The following CCNJL variants were observed in gnomAD, a reference collection of about 807,000 sequenced individuals.
CCNJL encodes the protein cyclin J like.
CCNJL carries 33 observed loss-of-function variants against 33.4 expected under a neutral mutation model. The ratio of observed to expected loss-of-function variants is 0.99; its 90% CI spans 0.75 to 1.32. The LOEUF is 1.32. Among genes scored for constraint, CCNJL ranks in the 40% most tolerant of loss-of-function variants. CCNJL has a pLI of 0.00. For synonymous variants in CCNJL, 227 were observed against 220.9 expected (o/e 1.03, Z -0.24); for missense variants, 512 against 499.7 (o/e 1.02, Z -0.23).
In CCNJL at chr5:160,249,236, T is replaced by A. The variant is rs1760744078; in HGVS notation, c.*4142A>T. ...ATGCTAGTTTATCTATGGTCAGTTG[T>A]GGAATAGGTCTGTTTCTATATGCAC... On this transcript the variant is annotated 3_prime_UTR_variant, in exon 6 of 6. Transcript: ENST00000257536. 6.6e-6 allele frequency: 1 copy of A among 152,184 alleles called. No homozygotes were observed. Among genetic ancestry groups the A allele is most frequent in the African/African-American group, 2.4e-5 (1 of 41,444 alleles). The allele number at this position is 152,184 out of a possible 1,614,324, so 9.4% of individuals were successfully genotyped here.
intron 3 of CCNJL, among the ~76,000 whole-genome samples, chr5:160,265,002 A>T (rs2113271472): frequency 2.0e-5 from 3 of 152,356 alleles, no homozygotes; most frequent in Middle Eastern, 3.4e-3. Flanking sequence ...CCCAGTGCCA[A>T]CAGTCATCAG....
At chr5:160,328,148 T>C (rs1178564210) in intron 1 of CCNJL, among the ~76,000 whole-genome samples, 2 of 152,118 alleles carry the variant, frequency 1.3e-5, no homozygotes, top group Non-Finnish European at 2.9e-5. Flanking sequence ...GCTGAGGAAA[T>C]GAGGTGAAGA....
At chr5:160,333,233 C>T (rs145590975) in intron 1 of CCNJL, among the ~76,000 whole-genome samples, 4,123 of 152,074 alleles carry the variant, frequency 0.027, 179 homozygotes, top group African/African-American at 0.093. Context: ...CGCCATTCTC[C>T]TGCCTCCGCC....
chr5:160,270,444 G>GA (rs202033056), intron 3 of CCNJL, among the ~76,000 whole-genome samples: 229 of 144,994 alleles, frequency 1.6e-3, no homozygotes, highest in African/African-American at 4.2e-3. Context: ...ATGGTGTCTC[G>GA]AAAAAAAAAA....
chr5:160,328,995 C>T (rs976153067), intron 1 of CCNJL, among the ~76,000 whole-genome samples: 1 of 152,182 alleles, frequency 6.6e-6, no homozygotes, highest in African/African-American at 2.4e-5. Context: ...TGAACCAAGA[C>T]CATCTGGTTC....
chr5:160,299,612 TAA>T (rs35587377), intron 2 of CCNJL, among the ~76,000 whole-genome samples: 47 of 144,882 alleles, frequency 3.2e-4, no homozygotes, highest in South Asian at 1.1e-3. Context: ...GTTGTTATGT[TAA>T]AAAAAAAAAA....
intron 2 of CCNJL, among the ~76,000 whole-genome samples, chr5:160,306,749 T>A (rs1426082816): frequency 1.3e-5 from 2 of 152,240 alleles, no homozygotes; most frequent in African/African-American, 4.8e-5. Flanking sequence ...GCAAGTTCTA[T>A]CTACTTTGCT....
intron 2 of CCNJL, among the ~76,000 whole-genome samples, chr5:160,293,117 C>G (rs1248928563): frequency 6.6e-6 from 1 of 152,164 alleles, no homozygotes; most frequent in Non-Finnish European, 1.5e-5. Flanking sequence ...TTTGTATTTT[C>G]CTTTCAAAAT....
chr5:160,314,420 A>C (rs895170869), upstream of CCNJL, among the ~76,000 whole-genome samples: 1 of 152,368 alleles, frequency 6.6e-6, no homozygotes, highest in East Asian at 1.9e-4. Context: ...GGGGGAAAAA[A>C]GTAAAACTAA....
intron 3 of CCNJL, among the ~76,000 whole-genome samples, chr5:160,274,469 A>C (rs942121983): frequency 2.0e-5 from 3 of 152,092 alleles, no homozygotes; most frequent in African/African-American, 4.8e-5. Context: ...AAAAAAAAAA[A>C]CAATCTGTAG....
At chr5:160,298,657 C>T (rs6888283) in intron 2 of CCNJL, among the ~76,000 whole-genome samples, 48,857 of 152,038 alleles carry the variant, frequency 0.32, 9,451 homozygotes, top group African/African-American at 0.55. Context: ...AGGCCCAGCC[C>T]GTCCTTGTCT....
At chr5:160,311,284 T>C (rs764363349) in intron 2 of CCNJL, among the ~76,000 whole-genome samples, 29 of 152,190 alleles carry the variant, frequency 1.9e-4, no homozygotes, top group Non-Finnish European at 3.4e-4. Context: ...CTTTCAATTA[T>C]ACAGGTGTTC....
In CCNJL at chr5:160,280,553, G is replaced by A. The variant is rs377115435; in HGVS notation, c.252C>T (p.Thr84=). 33 of 1,613,064 alleles carry A rather than the reference G, an allele frequency of 2.0e-5. No individual in the cohort carries two copies. Among genetic ancestry groups the A allele is most frequent in the Admixed American group, 8.3e-5 (5 of 60,000 alleles). ...CAAGCAGGAGGCAGGAGACGGCCAC[G>A]GTGTAGAGCTGCTTGGAGGTGGTGA... ...YNVTTSKQLY[T]VAVSCLLLAS... The change falls in exon 3 of 6, where the codon ACC becomes ACT. Residue 84 remains threonine (T), a synonymous_variant. Coordinates refer to ENST00000257536, the MANE Select transcript of CCNJL (RefSeq NM_001308173.3).
chr5:160,273,945 G>A lies in CCNJL; in HGVS notation c.280+6580C>T, dbSNP rs901901028. On this transcript the variant is annotated intron_variant, in intron 3 of 5. Transcript: ENST00000257536. ...ATTACAGGCGTGAGCCACTGCACCCGGCCTACAAAAGAGTTTTAGCAAGTA... is the reference window on the plus strand; with the variant it reads ...ATTACAGGCGTGAGCCACTGCACCCAGCCTACAAAAGAGTTTTAGCAAGTA... Among the ~76,000 whole-genome samples the A allele has an allele frequency of 5.3e-5, 8 of 151,490 alleles. No individual in the cohort carries two copies. The South Asian group carries it at 6.3e-4, about 12-fold the overall frequency.
intron 4 of CCNJL, among the ~76,000 whole-genome samples, chr5:160,258,984 C>A (rs6890329): frequency 6.6e-6 from 1 of 152,154 alleles, no homozygotes; most frequent in African/African-American, 2.4e-5. Flanking sequence ...GCGCCCGCCC[C>A]TATCAGCAGT....
chr5:160,282,763 C>T (rs1414613938), intron 2 of CCNJL, among the ~76,000 whole-genome samples: 1 of 151,460 alleles, frequency 6.6e-6, no homozygotes, highest in Non-Finnish European at 1.5e-5. Flanking sequence ...GATACCACCT[C>T]ACACTCATTA....
intron 3 of CCNJL, 59 bp from the exon 4 acceptor site, chr5:160,259,830 C>T (rs1359170373): frequency 3.5e-6 from 5 of 1,439,626 alleles, no homozygotes; most frequent in East Asian, 4.6e-5. Flanking sequence ...ACCCAGGAAG[C>T]TAACGGCCCA....
rs1302950084 is a variant in CCNJL at position 160,322,970 on chromosome 5, C to T, written n.207-7465G>A. Among the ~76,000 whole-genome samples, 3 of 149,826 alleles carry T rather than the reference C, an allele frequency of 2.0e-5. No homozygotes were observed. In the East Asian group the frequency reaches 5.9e-4, roughly 29 times the overall value. ...TCCCTCAAGGCCAGGCGCGGTGGCT[C>T]ACGACTGTAATCCCAGCCCTTTGGG... On this transcript the variant is annotated intron_variant and non_coding_transcript_variant, in intron 1 of 7. Coordinates refer to the CCNJL transcript ENST00000377503.
chr5:160,339,165 AC>A (rs1763718837), intron 1 of CCNJL, among the ~76,000 whole-genome samples: 1 of 152,072 alleles, frequency 6.6e-6, no homozygotes, highest in Admixed American at 6.6e-5. Flanking sequence ...TTGCAATTAA[AC>A]CTCAATCTCT....
Sources: gnomAD v4.1 joint callset for allele counts (sites outside exome capture counted in the v4.1 genomes callset) on GRCh38, gnomAD v4.1.1 for gene constraint, MANE v1.5 for transcripts, NCBI Gene and HGNC (gene_info 2026-07-23, HGNC 2026-07-21) for gene names.